OR11A1: variants seen among roughly 807,000 people sequenced by gnomAD.
OR11A1 encodes olfactory receptor 11A1.
For synonymous variants in OR11A1, 158 were observed against 152.2 expected (o/e 1.04, Z -0.28); for missense variants, 380 against 378.2 (o/e 1.00, Z -0.04).
At chr6:29,434,445 T>A (rs1783482170) in intron 1 of OR11A1, among the ~76,000 whole-genome samples, 1 of 152,210 alleles carries the variant, frequency 6.6e-6, no homozygotes, top group South Asian at 2.1e-4. Flanking sequence ...CATGTTCTGT[T>A]TATATGATCA....
Position 29,426,900 on chromosome 6 carries a change from C to A in OR11A1, c.742G>T (p.Val248Leu). The change falls in exon 5 of 5, where the codon GTA becomes TTA. Residue 248 changes from valine (V) to leucine (L), a missense_variant. Val to Leu is a conservative substitution (Grantham distance 32). Coordinates refer to ENST00000377149, the MANE Select transcript of OR11A1 (RefSeq NM_001394828.1). ...AFSTCSSHLA[V>L]VTTFYGTLMI... ...AGCGTTCCATAGAATGTGGTCACTA[C>A]AGCTAGGTGGGAGGAGCATGTGGAG... is the stretch of plus-strand genomic sequence containing the variant. The A allele has an allele frequency of 1.9e-6, 3 of 1,613,040 alleles. No homozygotes were observed. Among genetic ancestry groups the A allele is most frequent in the Middle Eastern group, 1.7e-4 (1 of 6,054 alleles).
intron 1 of OR11A1, chr6:29,439,396 T>G (rs1356407843): frequency 6.6e-6 from 1 of 152,266 alleles, no homozygotes; most frequent in Non-Finnish European, 1.5e-5. Flanking sequence ...ATAGTTGAAC[T>G]GTTTAATGCT....
intron 1 of OR11A1, among the ~76,000 whole-genome samples, chr6:29,436,391 A>G (rs1377888710): frequency 1.3e-5 from 2 of 152,166 alleles, no homozygotes; most frequent in East Asian, 3.8e-4. Flanking sequence ...GTTGCAATGG[A>G]TCTTACGGAG....
At chr6:29,430,480 T>C (rs896491201) in intron 2 of OR11A1, 55 bp from the exon 3 acceptor site, 2 of 974,314 alleles carry the variant, frequency 2.1e-6, no homozygotes, top group African/African-American at 3.5e-5. Context: ...TAATAATAAA[T>C]AGCTCATGAC....
At chr6:29,446,110 CT>C (rs1022824550) in intron 1 of OR11A1, among the ~76,000 whole-genome samples, 15 of 151,810 alleles carry the variant, frequency 9.9e-5, no homozygotes, top group African/African-American at 1.9e-4. Flanking sequence ...ATCTATTCAA[CT>C]TTTTTTTTCT....
intron 1 of OR11A1, among the ~76,000 whole-genome samples, chr6:29,432,987 A>G (rs73403385): frequency 0.067 from 10,208 of 152,226 alleles, 581 homozygotes; most frequent in African/African-American, 0.15. Flanking sequence ...AAAGGTAAGT[A>G]TATGTGTCTT....
At chr6:29,440,456 G>C (rs1291717004) in intron 1 of OR11A1, 2 of 1,613,994 alleles carry the variant, frequency 1.2e-6, no homozygotes, top group African/African-American at 1.3e-5. Flanking sequence ...CTGGGTCGGC[G>C]TGGGCCTGTG....
At chr6:29,448,166 G>A (rs139311258) in intron 1 of OR11A1, among the ~76,000 whole-genome samples, 1,873 of 151,864 alleles carry the variant, frequency 0.012, 39 homozygotes, top group African/African-American at 0.037. Flanking sequence ...ACAGGTGTGC[G>A]CCACCACACC....
chr6:29,429,666 C>T (rs1476403929), intron 3 of OR11A1, among the ~76,000 whole-genome samples: 1 of 152,098 alleles, frequency 6.6e-6, no homozygotes, highest in Non-Finnish European at 1.5e-5. Flanking sequence ...TGAGTACACA[C>T]TGAGGCAAGA....
At chr6:29,432,067 A>G (rs1291591553) in intron 1 of OR11A1, 80 bp from the exon 2 acceptor site, 2 of 907,584 alleles carry the variant, frequency 2.2e-6, no homozygotes, top group Admixed American at 6.2e-5. Flanking sequence ...TCCACCCTCC[A>G]TCCCCTTTTC....
In OR11A1 at chr6:29,430,143, G is replaced by A. The variant is rs548241424; in HGVS notation, c.-140+158C>T. On this transcript the variant is annotated intron_variant, in intron 3 of 4. Coordinates refer to ENST00000377149, the MANE Select transcript of OR11A1 (RefSeq NM_001394828.1). The stretch of plus-strand genomic sequence containing the variant: ...CTACTGTACCGAAGTCTTACAAAAA[G>A]ATATATTCTCAATGAATACTTAATG... Among the ~76,000 whole-genome samples, 36 of 152,292 alleles carry A rather than the reference G, an allele frequency of 2.4e-4. No homozygotes were observed. In the South Asian group the frequency reaches 5.6e-3, roughly 24 times the overall value.
At chr6:29,434,521 C>T (rs1783487513) in intron 1 of OR11A1, among the ~76,000 whole-genome samples, 1 of 152,130 alleles carries the variant, frequency 6.6e-6, no homozygotes, top group South Asian at 2.1e-4. Context: ...GTTGAACCAT[C>T]CTTGCATCTC....
chr6:29,431,733 A>C (rs1047335250), intron 2 of OR11A1, 131 bp downstream of exon 2: 5 of 329,082 alleles, frequency 1.5e-5, no homozygotes. Flanking sequence ...TTAATAAAAG[A>C]CTTTTTGACT....
intron 2 of OR11A1, among the ~76,000 whole-genome samples, chr6:29,431,342 A>G (rs189516898): frequency 6.6e-6 from 1 of 152,180 alleles, no homozygotes; most frequent in African/African-American, 2.4e-5. Context: ...GATTTTTTTA[A>G]TCTGTTAATT....
rs776293782 is a variant in OR11A1, at chr6:29,427,122, G to T, written c.520C>A (p.His174Asn). The change falls in exon 5 of 5, where the codon CAC (histidine) becomes AAC (asparagine). Residue 174 changes from histidine (H) to asparagine (N), a missense_variant. His to Asn is a moderately conservative substitution (Grantham distance 68). Coordinates refer to ENST00000377149, the MANE Select transcript of OR11A1 (RefSeq NM_001394828.1). The stretch of plus-strand genomic sequence containing the variant: ...AAGTCACAGTAAAACTGGTCAATGT[G>T]GTTGGGGCCACAGAACCTCAGCTGG... ...VAQLRFCGPN[H>N]IDQFYCDFML... 6.2e-7 allele frequency: 1 copy of T among 1,612,994 alleles called. No individual in the cohort carries two copies. The highest frequency in any genetic ancestry group is 1.1e-5 in the South Asian group (1 of 91,070).
intron 1 of OR11A1, chr6:29,450,073 A>G (rs989602056): frequency 6.6e-6 from 1 of 152,282 alleles, no homozygotes; most frequent in Non-Finnish European, 1.5e-5. Flanking sequence ...TTCTCACCGA[A>G]AAATGGGCCT....
intron 1 of OR11A1, among the ~76,000 whole-genome samples, chr6:29,435,160 C>G (rs1783533554): frequency 1.3e-5 from 2 of 152,214 alleles, no homozygotes; most frequent in South Asian, 4.1e-4. Flanking sequence ...ACAGTGGTTG[C>G]TGTTCCCACA....
intron 1 of OR11A1, among the ~76,000 whole-genome samples, chr6:29,455,055 T>C (rs1785908821): frequency 6.6e-6 from 1 of 152,084 alleles, no homozygotes; most frequent in African/African-American, 2.4e-5. Context: ...AGCTAGAAAT[T>C]AAAAGCTTCT....
chr6:29,438,859 C>T (rs1447988999), intron 1 of OR11A1, among the ~76,000 whole-genome samples: 1 of 152,272 alleles, frequency 6.6e-6, no homozygotes, highest in South Asian at 2.1e-4. Flanking sequence ...TGCCATCTGC[C>T]TTCACTGGTT....
Sources: allele counts gnomAD v4.1 joint callset (sites outside exome capture counted in the v4.1 genomes callset), GRCh38; gene constraint gnomAD v4.1.1; transcripts MANE v1.5; gene names NCBI Gene and HGNC (gene_info 2026-07-23, HGNC 2026-07-21).